The following DNAH11 variants were observed in gnomAD, a reference collection of about 807,000 sequenced individuals.
DNAH11 encodes the protein axonemal beta dynein heavy chain 11.
Under a neutral mutation model 526.0 loss-of-function variants are expected in DNAH11, and 442 were observed. The observed-to-expected ratio is 0.84, with a 90% CI of 0.78 to 0.91. The LOEUF is 0.91. DNAH11 is among the 40% of genes least tolerant of loss of function. The pLI, the probability that DNAH11 is intolerant of heterozygous loss-of-function variation, is 0.00. For synonymous variants in DNAH11, 2,461 were observed against 1,935.9 expected, an observed-to-expected ratio of 1.27 and a Z score of -7.12; for missense variants, 6,989 against 5,448.7, an observed-to-expected ratio of 1.28 and a Z score of -8.90.
intron 74 of DNAH11, among the ~76,000 whole-genome samples, chr7:21,874,270 T>G (rs1426168498): frequency 6.6e-6 from 1 of 152,154 alleles, no homozygotes; most frequent in African/African-American, 2.4e-5. Flanking sequence ...GTTATATCTA[T>G]GACACCTTAT....
chr7:21,693,836 A>C (rs1013166256), intron 35 of DNAH11, among the ~76,000 whole-genome samples: 1 of 152,210 alleles, frequency 6.6e-6, no homozygotes, highest in African/African-American at 2.4e-5. Context: ...TAATTGACTC[A>C]AAGTTCCAGA....
chr7:21,644,295 G>C (rs887979412), intron 28 of DNAH11, among the ~76,000 whole-genome samples: 6 of 151,596 alleles, frequency 4.0e-5, no homozygotes, highest in Non-Finnish European at 7.4e-5. Flanking sequence ...GCTTCCATTT[G>C]GTTATCTTCC....
At chr7:21,570,405 T>C (rs573367995) in intron 7 of DNAH11, 106 bp downstream of exon 7, 14 of 890,672 alleles carry the variant, frequency 1.6e-5, no homozygotes, top group African/African-American at 6.7e-5. Context: ...TAGGTGGAGG[T>C]CTCCTTTCTC....
In DNAH11 at chr7:21,583,648, C is replaced by A. The variant is rs529804350; in HGVS notation, c.1710+1627C>A. On this transcript the variant is annotated intron_variant, in intron 9 of 81. Coordinates refer to ENST00000409508, the MANE Select transcript of DNAH11 (RefSeq NM_001277115.2). ...AACTATCATCAGAGTGAACAGGCAA[C>A]CTACAGAATGGGAGAATATTTTTGC... Among the ~76,000 whole-genome samples the A allele has an allele frequency of 2.0e-5, 3 of 152,268 alleles. No individual in the cohort carries two copies. In the South Asian group the frequency reaches 6.2e-4, roughly 32 times the overall value.
intron 30 of DNAH11, among the ~76,000 whole-genome samples, chr7:21,662,527 C>G (rs1019992620): frequency 6.6e-6 from 1 of 152,038 alleles, no homozygotes; most frequent in African/African-American, 2.4e-5. Context: ...TATGTGTACA[C>G]ATGATGTTTT....
At chr7:21,613,482 G>C (rs1250913795) in intron 20 of DNAH11, among the ~76,000 whole-genome samples, 2 of 152,134 alleles carry the variant, frequency 1.3e-5, no homozygotes, top group South Asian at 2.1e-4. Context: ...AAAACTAAAA[G>C]AATTGCAGTT....
At chr7:21,616,710 C>T (rs12673164) in intron 22 of DNAH11, among the ~76,000 whole-genome samples, 18,253 of 152,102 alleles carry the variant, frequency 0.12, 1,260 homozygotes, top group East Asian at 0.2. Context: ...TGGATTTATG[C>T]GGAATACTAT....
intron 25 of DNAH11, among the ~76,000 whole-genome samples, chr7:21,622,197 C>T (rs1291649794): frequency 6.6e-6 from 1 of 151,916 alleles, no homozygotes; most frequent in Non-Finnish European, 1.5e-5. Context: ...AGAGCCAAAT[C>T]CTGAGTGAAC....
chr7:21,599,359 C>G (rs1784985152), intron 14 of DNAH11, among the ~76,000 whole-genome samples: 1 of 152,186 alleles, frequency 6.6e-6, no homozygotes, highest in African/African-American at 2.4e-5. Flanking sequence ...TGATAGTCTT[C>G]AGATGTTCCA....
chr7:21,727,373 A>G (rs1785171078), intron 45 of DNAH11, among the ~76,000 whole-genome samples: 1 of 152,210 alleles, frequency 6.6e-6, no homozygotes, highest in African/African-American at 2.4e-5. Flanking sequence ...TTATTTCTGA[A>G]CTTACTGTAA....
chr7:21,639,039 C>T lies in DNAH11; in HGVS notation c.4918C>T (p.Leu1640Phe). ...CTCTTCTGCTGATTTACTTGACATT[C>T]TCTCAAAAGGAGCTCAGCCTAAACA... ...FVSSADLLDI[L>F]SKGAQPKQVT... The change falls in exon 28 of 82, where the codon CTC becomes TTC. Residue 1640 changes from leucine to phenylalanine, a missense_variant. Coordinates refer to ENST00000409508, the MANE Select transcript of DNAH11 (RefSeq NM_001277115.2). The T allele has an allele frequency of 6.2e-7, 1 of 1,613,584 alleles. No individual in the cohort carries two copies. Among genetic ancestry groups the T allele is most frequent in the Non-Finnish European group, 8.5e-7 (1 of 1,179,672 alleles).
chr7:21,612,252 T>A (rs908606007), intron 20 of DNAH11, among the ~76,000 whole-genome samples: 2 of 151,688 alleles, frequency 1.3e-5, no homozygotes, highest in African/African-American at 2.4e-5. Flanking sequence ...AACAAAAAAA[T>A]TTCCAAAACA....
At chr7:21,596,897 A>T (rs1197658439) in intron 14 of DNAH11, among the ~76,000 whole-genome samples, 1 of 152,228 alleles carries the variant, frequency 6.6e-6, no homozygotes, top group East Asian at 1.9e-4. Context: ...TTGTTTCCAT[A>T]AGTTGGGTCT....
chr7:21,800,380 C>T (rs1168341856), intron 61 of DNAH11, among the ~76,000 whole-genome samples: 3 of 152,122 alleles, frequency 2.0e-5, no homozygotes, highest in African/African-American at 7.2e-5. Flanking sequence ...GCCTGTAATC[C>T]CAGCACTTGG....
chr7:21,591,599 A>G, intron 14 of DNAH11, 22 bp downstream of exon 14: 2 of 1,503,056 alleles, frequency 1.3e-6, no homozygotes, highest in Non-Finnish European at 1.8e-6. Context: ...TAACCTTTCA[A>G]GATTTATAGA....
chr7:21,647,890 C>T (rs1488232553), intron 28 of DNAH11, among the ~76,000 whole-genome samples: 5 of 152,102 alleles, frequency 3.3e-5, no homozygotes, highest in Admixed American at 3.3e-4. Flanking sequence ...CAGACTGGCA[C>T]TACAAGAAAT....
In DNAH11 at chr7:21,773,642, G is replaced by A. The variant is rs560258105; in HGVS notation, c.9103-124G>A. Reference sequence around the variant, plus strand: ...GCGCTTAAAGATTAAATAAGTTTTCGTAGGTTATACTATCATTTTTTTTTC... The same window carrying A: ...GCGCTTAAAGATTAAATAAGTTTTCATAGGTTATACTATCATTTTTTTTTC... On this transcript the variant is annotated intron_variant, in intron 55 of 81. Coordinates refer to ENST00000409508, the MANE Select transcript of DNAH11 (RefSeq NM_001277115.2). 451 of 721,698 alleles carry A rather than the reference G, an allele frequency of 6.2e-4. 1 individual carries two copies. The African/African-American group carries it at 6.9e-3, about 11-fold the overall frequency. The allele number at this position is 721,698 out of a possible 1,614,324, so 44.7% of individuals were successfully genotyped here.
At position 21,818,177 on chromosome 7, in the gene DNAH11, A is replaced by G. The variant is rs759876183; in HGVS notation, c.10569-40A>G. 11 of 1,589,232 alleles carry G rather than the reference A, an allele frequency of 6.9e-6. No individual in the cohort carries two copies. In the Admixed American group the frequency reaches 2.0e-4, roughly 29 times the overall value. The stretch of plus-strand genomic sequence containing the variant: ...TAAAAAATTTTGAACATTTTGTGCC[A>G]ATTTACATTTTATTATCTCAAATCC... On this transcript the variant is annotated intron_variant, in intron 64 of 81. Coordinates refer to ENST00000409508, the MANE Select transcript of DNAH11 (RefSeq NM_001277115.2).
chr7:21,763,524 G>A (rs1562531953), intron 54 of DNAH11, among the ~76,000 whole-genome samples: 1 of 151,556 alleles, frequency 6.6e-6, no homozygotes, highest in African/African-American at 2.4e-5. Context: ...TGAGGCTGTG[G>A]AGAAATTGGA....
Sources: allele counts gnomAD v4.1 joint callset (sites outside exome capture counted in the v4.1 genomes callset), GRCh38; gene constraint gnomAD v4.1.1; transcripts MANE v1.5; gene names NCBI Gene and HGNC (gene_info 2026-07-23, HGNC 2026-07-21).